Variants in CLMN observed in about 807,000 individuals in gnomAD.
CLMN encodes the protein calmin (calponin-like, transmembrane).
A neutral mutation model predicts 92.7 loss-of-function variants in CLMN; 57 were observed. The observed-to-expected ratio is 0.61, with a 90% CI of 0.50 to 0.77. The LOEUF is 0.77. Ranked by LOEUF, CLMN falls within the 30% of genes least tolerant of loss-of-function variation. CLMN has a pLI of 0.00. For missense variants in CLMN, 1,158 were observed against 1,237.5 expected (o/e 0.94, Z 0.96); for synonymous variants, 466 against 470.6 (o/e 0.99, Z 0.13).
In CLMN at chr14:95,210,590, T is replaced by C. The variant is rs547936986; in HGVS notation, c.802+96A>G. 4 of 1,290,170 alleles carry C rather than the reference T, an allele frequency of 3.1e-6. 1 individual carries two copies. The highest frequency in any genetic ancestry group is 5.1e-5 in the Admixed American group (2 of 39,534). 79.9% of individuals were successfully genotyped at this position (1,290,170 alleles called of 1,614,324 possible). A position where few individuals can be genotyped will look rare whatever the true frequency, so the allele number is the denominator to read the frequency against. On this transcript the variant is annotated intron_variant, in intron 7 of 12. Transcript: ENST00000298912. The stretch of plus-strand genomic sequence containing the variant: ...ATATAGGAGAAAAAATCTTCTTCAT[T>C]AGATTTTTCTGTATTTTCCAGATTT...
chr14:95,275,130 T>A (rs1032363141), intron 1 of CLMN, among the ~76,000 whole-genome samples: 3 of 152,180 alleles, frequency 2.0e-5, no homozygotes, highest in Non-Finnish European at 4.4e-5. Context: ...CTCAGGGCAC[T>A]TGCGGTCTCG....
At chr14:95,304,670 CTG>C (rs1901200141) in intron 1 of CLMN, among the ~76,000 whole-genome samples, 1 of 152,060 alleles carries the variant, frequency 6.6e-6, no homozygotes, top group Non-Finnish European at 1.5e-5. Context: ...TACAATTGTA[CTG>C]ATTGTACAGA....
At chr14:95,239,879 T>C (rs954029692) in intron 1 of CLMN, among the ~76,000 whole-genome samples, 6 of 152,338 alleles carry the variant, frequency 3.9e-5, no homozygotes, top group East Asian at 3.9e-4. Flanking sequence ...ACATACACAA[T>C]GGTGTTCCCA....
chr14:95,257,090 T>G (rs1040863598), intron 1 of CLMN, among the ~76,000 whole-genome samples: 1 of 152,144 alleles, frequency 6.6e-6, no homozygotes, highest in African/African-American at 2.4e-5. Flanking sequence ...AGACCAAAAA[T>G]ATTTAATACG....
intron 1 of CLMN, among the ~76,000 whole-genome samples, chr14:95,299,989 T>C (rs80164987): frequency 1.3e-5 from 2 of 152,256 alleles, no homozygotes; most frequent in Non-Finnish European, 2.9e-5. Context: ...GACCTCATCA[T>C]TGTTTTTCTA....
rs1898470921 is a variant in CLMN, at chr14:95,245,226, T to TATATATATATATA, written c.83-15094_83-15093insTATATATATATAT. ...ATATATATTATATATATATATATATTATATATATATATTATATATATATAT... is the reference window on the plus strand; with the variant it reads ...ATATATATTATATATATATATATATTATATATATATATAATATATATATATTATATATATATAT... On this transcript the variant is annotated intron_variant, in intron 1 of 12. Coordinates refer to ENST00000298912, the MANE Select transcript of CLMN (RefSeq NM_024734.4). 8.0e-5 allele frequency among the ~76,000 whole-genome samples: 2 copies of TATATATATATATA among 24,932 alleles called. 1 individual carries two copies. The highest frequency in any genetic ancestry group is 1.2e-4 in the Non-Finnish European group (2 of 16,862). 16.4% of individuals were successfully genotyped at this position (24,932 alleles called of 152,430 possible).
In CLMN at chr14:95,256,867, C is replaced by G. The variant is rs1044341088; in HGVS notation, c.83-26734G>C. 3.3e-5 allele frequency among the ~76,000 whole-genome samples: 5 copies of G among 152,144 alleles called. No homozygotes were observed. The highest frequency in any genetic ancestry group is 1.2e-4 in the African/African-American group (5 of 41,432). Reference sequence around the variant, plus strand: ...GTCAGGGGCAGAATTGGAGCAGGAGCTTGAAGGCCCCATGCGGTGTTAGCA... The same window carrying G: ...GTCAGGGGCAGAATTGGAGCAGGAGGTTGAAGGCCCCATGCGGTGTTAGCA... On this transcript the variant is annotated intron_variant, in intron 1 of 12. Transcript: ENST00000298912. The surrounding 1 kb of genome is among the most constrained non-coding windows in gnomAD (Gnocchi z 4.9).
At chr14:95,212,789 T>C (rs1264788520) in intron 6 of CLMN, among the ~76,000 whole-genome samples, 1 of 83,864 alleles carries the variant, frequency 1.2e-5, no homozygotes, top group African/African-American at 6.7e-5. Flanking sequence ...TGACATTCTT[T>C]TTTTTTTTTT....
intron 4 of CLMN, among the ~76,000 whole-genome samples, chr14:95,217,645 CCT>C (rs1897394380): frequency 6.6e-6 from 1 of 152,258 alleles, no homozygotes; most frequent in Non-Finnish European, 1.5e-5. Context: ...TCTGACAGCT[CCT>C]GTTTCTGTGG....
At chr14:95,291,424 C>T (rs903150873) in intron 1 of CLMN, among the ~76,000 whole-genome samples, 23 of 152,218 alleles carry the variant, frequency 1.5e-4, no homozygotes, top group African/African-American at 5.5e-4. Context: ...CCAAAAAAAC[C>T]CAGACACACA....
At chr14:95,244,046 C>G (rs1382617213) in intron 1 of CLMN, among the ~76,000 whole-genome samples, 6 of 152,148 alleles carry the variant, frequency 3.9e-5, no homozygotes, top group Non-Finnish European at 5.9e-5. Flanking sequence ...TCCTCTTGCA[C>G]CAGCCATGTA....
intron 1 of CLMN, among the ~76,000 whole-genome samples, chr14:95,302,328 G>A (rs1901095107): frequency 6.6e-6 from 1 of 151,846 alleles, no homozygotes; most frequent in African/African-American, 2.4e-5. Context: ...AACAAAAAAA[G>A]AGGAAGGAAG....
At chr14:95,228,483 T>G (rs1189434035) in intron 2 of CLMN, among the ~76,000 whole-genome samples, 1 of 152,086 alleles carries the variant, frequency 6.6e-6, no homozygotes, top group Non-Finnish European at 1.5e-5. Context: ...GGAGTGGAGG[T>G]GTGGGTGGCC....
chr14:95,213,509 G>A (rs1021464432), intron 5 of CLMN, 100 bp from the exon 6 acceptor site: 35 of 1,074,124 alleles, frequency 3.3e-5, no homozygotes, highest in East Asian at 3.1e-4. Flanking sequence ...TGGAGGGACC[G>A]GCTCAGGCAG....
At chr14:95,316,762 G>T (rs1027472641) in intron 1 of CLMN, among the ~76,000 whole-genome samples, 1 of 152,188 alleles carries the variant, frequency 6.6e-6, no homozygotes, top group African/African-American at 2.4e-5. Flanking sequence ...TATCCCAGAG[G>T]TTGTAAGCTC....
chr14:95,187,242 A>G lies in CLMN; in HGVS notation c.*4322T>C, dbSNP rs1267937139. 1.3e-5 allele frequency: 2 copies of G among 152,246 alleles called. No homozygotes were observed. Among genetic ancestry groups the G allele is most frequent in the African/African-American group, 2.4e-5 (1 of 41,452 alleles). The allele number at this position is 152,246 out of a possible 1,614,324, so 9.4% of individuals were successfully genotyped here. A position where few individuals can be genotyped will look rare whatever the true frequency, so the allele number is the denominator to read the frequency against. ...TGGATCAAGATGGTATACTGAACAC[A>G]TGAGCCTGTTTCTTCCCTCATGAAA... On this transcript the variant is annotated 3_prime_UTR_variant, in exon 13 of 13. Transcript: ENST00000298912.
At chr14:95,243,004 A>G (rs114935613) in intron 1 of CLMN, among the ~76,000 whole-genome samples, 11 of 152,302 alleles carry the variant, frequency 7.2e-5, no homozygotes, top group South Asian at 2.1e-4. Flanking sequence ...TGAAGGCCCT[A>G]TGGTCTTTGT....
chr14:95,268,515 G>C (rs1453228890), intron 1 of CLMN, among the ~76,000 whole-genome samples: 1 of 152,116 alleles, frequency 6.6e-6, no homozygotes, highest in Non-Finnish European at 1.5e-5. Context: ...GGAAGGGTGG[G>C]GGCATGACTA....
At chr14:95,245,242 A>ATATATATATAT (rs1898482001) in intron 1 of CLMN, among the ~76,000 whole-genome samples, 2 of 35,624 alleles carry the variant, frequency 5.6e-5, no homozygotes, top group African/African-American at 3.4e-4. Context: ...TATATATTAT[A>ATATATATATAT]TATATATATA....
Sources: allele counts gnomAD v4.1 joint callset (sites outside exome capture counted in the v4.1 genomes callset), GRCh38; gene constraint gnomAD v4.1.1; non-coding constraint Gnocchi (gnomAD v3.1); transcripts MANE v1.5; gene names NCBI Gene and HGNC (gene_info 2026-07-23, HGNC 2026-07-21).